Variants in LARGE1 observed in about 807,000 individuals in gnomAD.
LARGE1 encodes LARGE xylosyl- and glucuronyltransferase 1, also known as xylosyl- and glucuronyltransferase LARGE1.
Under a neutral mutation model 87.6 loss-of-function variants are expected in LARGE1, and 43 were observed. The ratio of observed to expected loss-of-function variants is 0.49; its 90% CI spans 0.38 to 0.63. The LOEUF is 0.63. LARGE1 is among the 30% of genes least tolerant of loss of function. The pLI is 0.00. For synonymous variants in LARGE1, 434 were observed against 394.6 expected (o/e 1.10, Z -1.18); for missense variants, 802 against 1,000.2 (o/e 0.80, Z 2.67).
intron 1 of LARGE1, among the ~76,000 whole-genome samples, chr22:33,773,247 C>T (rs2085128530): frequency 6.6e-6 from 1 of 152,208 alleles, no homozygotes; most frequent in Admixed American, 6.5e-5. Flanking sequence ...CCTAATGGCA[C>T]TTGGCCTTGG....
chr22:33,658,676 T>C (rs1478436469), intron 2 of LARGE1, among the ~76,000 whole-genome samples: 2 of 152,248 alleles, frequency 1.3e-5, no homozygotes, highest in East Asian at 1.9e-4. Context: ...ATTTTCTTTA[T>C]TGAATCTATC....
chr22:33,546,908 G>A (rs989556), intron 6 of LARGE1, among the ~76,000 whole-genome samples: 105,928 of 152,090 alleles, frequency 0.7, 37,551 homozygotes, highest in African/African-American at 0.82. Flanking sequence ...TTACAAACTC[G>A]GTACTGATTT....
chr22:33,572,742 T>A (rs2148827609), intron 5 of LARGE1, among the ~76,000 whole-genome samples: 1 of 152,162 alleles, frequency 6.6e-6, no homozygotes, highest in East Asian at 1.9e-4. Context: ...TGGTGGCGCA[T>A]GCCTGTAATC....
intron 11 of LARGE1, among the ~76,000 whole-genome samples, chr22:33,196,900 C>CT (rs1362804695): frequency 1.3e-5 from 2 of 152,122 alleles, no homozygotes; most frequent in Non-Finnish European, 2.9e-5. Flanking sequence ...CTACTCATGA[C>CT]TAGCATAATG....
chr22:33,156,113 C>T, the LARGE1 span, among the ~76,000 whole-genome samples: 7 of 152,264 alleles, frequency 4.6e-5, no homozygotes, highest in South Asian at 1.5e-3. Flanking sequence ...GGGGTGGGGT[C>T]CTCATGGAGA....
Position 33,604,460 on chromosome 22 carries a change from T to A in LARGE1, c.590A>T (p.Asp197Val). The A allele has an allele frequency of 6.2e-7, 1 of 1,614,044 alleles. No homozygotes were observed. The highest frequency in any genetic ancestry group is 1.1e-5 in the South Asian group (1 of 91,076). Reference protein sequence around the residue: ...QTWMVPAVRVDFYNADELKSE... With the variant: ...QTWMVPAVRVVFYNADELKSE... ...CTTGAGCTCGTCTGCATTGTAGAAG[T>A]CCACACGCACAGCGGGCACCATCCA... is the stretch of plus-strand genomic sequence containing the variant. The change falls in exon 5 of 15, where the codon GAC becomes GTC. Residue 197 changes from aspartate to valine, a missense_variant. By Grantham distance (152) the Asp-to-Val change is radical. Coordinates refer to ENST00000397394, the MANE Select transcript of LARGE1 (RefSeq NM_133642.5).
At chr22:33,353,392 TTTTTTTC>T (rs1940582217) in intron 9 of LARGE1, among the ~76,000 whole-genome samples, 1 of 151,860 alleles carries the variant, frequency 6.6e-6, no homozygotes, top group African/African-American at 2.4e-5. Flanking sequence ...CTTGTTTTTC[TTTTTTTC>T]TTTTTTTTTT....
intron 11 of LARGE1, among the ~76,000 whole-genome samples, chr22:33,256,192 C>A (rs1319111772): frequency 6.6e-6 from 1 of 152,176 alleles, no homozygotes; most frequent in Non-Finnish European, 1.5e-5. Flanking sequence ...TCAATCTTTC[C>A]AATGTGGTTT....
rs1316198014 is a variant in LARGE1, at chr22:33,571,486, TC to T, written c.616-6468del. Among the ~76,000 whole-genome samples, 5 of 152,200 alleles carry T rather than the reference TC, an allele frequency of 3.3e-5. 1 individual carries two copies. In the East Asian group the frequency reaches 9.7e-4, roughly 29 times the overall value. On this transcript the variant is annotated intron_variant, in intron 5 of 14. Coordinates refer to ENST00000397394, the MANE Select transcript of LARGE1 (RefSeq NM_133642.5). ...ACACAGGGGATGGAGGAAAGCCATG[TC>T]TCAATGGTGATGACACATTTCTGAC... is the stretch of plus-strand genomic sequence containing the variant.
chr22:33,671,516 G>GT (rs1197284596), intron 2 of LARGE1, among the ~76,000 whole-genome samples: 3 of 152,210 alleles, frequency 2.0e-5, no homozygotes, highest in African/African-American at 7.2e-5. Context: ...CCCTCAAGCT[G>GT]TTAATGTCTC....
chr22:33,684,804 T>C (rs1028282171), intron 2 of LARGE1, among the ~76,000 whole-genome samples: 1 of 152,170 alleles, frequency 6.6e-6, no homozygotes, highest in African/African-American at 2.4e-5. Context: ...AAAAAGGGGG[T>C]GTGTGGCCTA....
chr22:33,573,320 T>C (rs1204198324), intron 5 of LARGE1, among the ~76,000 whole-genome samples: 1 of 151,948 alleles, frequency 6.6e-6, no homozygotes, highest in East Asian at 1.9e-4. Context: ...GCGCATGTAA[T>C]CCCAGCTACT....
At chr22:33,514,080 CTA>C (rs1324659895) in intron 6 of LARGE1, among the ~76,000 whole-genome samples, 2 of 152,152 alleles carry the variant, frequency 1.3e-5, no homozygotes, top group African/African-American at 2.4e-5. Context: ...GCTATAGAAT[CTA>C]TGTTTGTATA....
At chr22:33,863,259 T>C in intron 1 of LARGE1, among the ~76,000 whole-genome samples, 1 of 152,198 alleles carries the variant, frequency 6.6e-6, no homozygotes, top group East Asian at 1.9e-4. Flanking sequence ...CATCAGGTAA[T>C]TGAGGCAAAG....
chr22:33,725,425 C>A (rs920614197), intron 2 of LARGE1, among the ~76,000 whole-genome samples: 4 of 152,128 alleles, frequency 2.6e-5, no homozygotes, highest in African/African-American at 7.2e-5. Context: ...CACAGACAGT[C>A]CCTCCCAGTT....
At chr22:33,099,832 G>A in the LARGE1 span, among the ~76,000 whole-genome samples, 7 of 152,210 alleles carry the variant, frequency 4.6e-5, no homozygotes, top group African/African-American at 1.4e-4. Context: ...CTTCAGTGAT[G>A]TGATTCCATG....
rs118033967 is a variant in LARGE1, at chr22:33,658,091, G to A, written c.107-7423C>T. Among the ~76,000 whole-genome samples, 33 of 152,162 alleles carry A rather than the reference G, an allele frequency of 2.2e-4. No homozygotes were observed. In the East Asian group the frequency reaches 4.4e-3, roughly 20 times the overall value. On this transcript the variant is annotated intron_variant, in intron 2 of 14. Coordinates refer to ENST00000397394, the MANE Select transcript of LARGE1 (RefSeq NM_133642.5). ...GAATGTCTCCTATTCAACACCCTCC[G>A]AACAAGTCCAGCCTAATTTGTGGTT...
At chr22:33,357,162 G>GTA (rs1001175271) in intron 9 of LARGE1, among the ~76,000 whole-genome samples, 6 of 130,040 alleles carry the variant, frequency 4.6e-5, no homozygotes, top group African/African-American at 1.1e-4. Context: ...TGGAGTGTAG[G>GTA]TATATATATA....
chr22:33,433,151 G>A (rs112842637), intron 6 of LARGE1, among the ~76,000 whole-genome samples: 2 of 152,184 alleles, frequency 1.3e-5, no homozygotes, highest in African/African-American at 2.4e-5. Flanking sequence ...GGCTCACAAA[G>A]GACCAGTGAC....
Sources: allele counts gnomAD v4.1 joint callset (sites outside exome capture counted in the v4.1 genomes callset), GRCh38; gene constraint gnomAD v4.1.1; transcripts MANE v1.5; gene names NCBI Gene and HGNC (gene_info 2026-07-23, HGNC 2026-07-21).